Variants in RFFL observed in about 807,000 individuals in gnomAD.
The protein encoded by RFFL is ring finger and FYVE like domain containing E3 ubiquitin protein ligase.
In RFFL, 16 loss-of-function variants were observed where a neutral mutation model predicts 40.4. That is an observed-to-expected ratio of 0.40 (90% CI 0.27 to 0.60). The LOEUF is 0.60. Ranked by LOEUF, RFFL falls within the 20% of genes least tolerant of loss-of-function variation. The probability of loss-of-function intolerance (pLI) is 0.47; values close to 1 mark genes in which losing one functional copy is unlikely to be tolerated. For synonymous variants in RFFL, 154 were observed against 167.9 expected (o/e 0.92, Z 0.64); for missense variants, 367 against 451.7 (o/e 0.81, Z 1.70).
chr17:35,022,437 T>C lies in RFFL; in HGVS notation c.181-656A>G, dbSNP rs144806827. ...ATTAATTTATTGAGGTGCTTCTATA[T>C]GCTAGCTTGTCATTTAATTCTCAAA... On this transcript the variant is annotated intron_variant, in intron 2 of 6. Coordinates refer to ENST00000394597, the MANE Select transcript of RFFL (RefSeq NM_001017368.2). 3.0e-3 allele frequency among the ~76,000 whole-genome samples: 460 copies of C among 152,364 alleles called. 1 individual carries two copies. Among genetic ancestry groups the C allele is most frequent in the Non-Finnish European group, 5.6e-3 (380 of 68,034 alleles).
chr17:35,035,830 C>A (rs1033323961), intron 1 of RFFL, among the ~76,000 whole-genome samples: 1 of 151,696 alleles, frequency 6.6e-6, no homozygotes, highest in Non-Finnish European at 1.5e-5. Context: ...CAGCCTCCTG[C>A]GTAGCTGGGA....
chr17:35,049,399 G>A (rs1201501814), intron 1 of RFFL, among the ~76,000 whole-genome samples: 1 of 152,150 alleles, frequency 6.6e-6, no homozygotes, highest in Admixed American at 6.6e-5. Flanking sequence ...TCAAGTGGTT[G>A]TGATAATCTA....
chr17:35,012,907 A>G (rs1439312997), intron 6 of RFFL, among the ~76,000 whole-genome samples: 7 of 152,236 alleles, frequency 4.6e-5, no homozygotes, highest in Non-Finnish European at 1.0e-4. Context: ...CATTTATTCC[A>G]TGCTCCAAGG....
intron 1 of RFFL, among the ~76,000 whole-genome samples, chr17:35,062,407 A>G (rs79946259): frequency 1.3e-5 from 2 of 149,954 alleles, no homozygotes; most frequent in Admixed American, 1.3e-4. Flanking sequence ...CTCTCAGAAG[A>G]AAAAAAAAAG....
At chr17:35,080,621 T>C (rs118074685) in intron 1 of RFFL, among the ~76,000 whole-genome samples, 4,469 of 152,262 alleles carry the variant, frequency 0.029, 88 homozygotes, top group Non-Finnish European at 0.048. Flanking sequence ...AACAATGGTG[T>C]TGATCACTAA....
At chr17:35,073,235 C>T (rs1175986063) in intron 1 of RFFL, among the ~76,000 whole-genome samples, 1 of 152,052 alleles carries the variant, frequency 6.6e-6, no homozygotes, top group African/African-American at 2.4e-5. Flanking sequence ...CTACCTGTGC[C>T]CTATCCATCA....
intron 1 of RFFL, among the ~76,000 whole-genome samples, chr17:35,054,557 C>G (rs1190257297): frequency 6.6e-6 from 1 of 151,962 alleles, no homozygotes; most frequent in Admixed American, 6.6e-5. Context: ...CCCCACCTCT[C>G]CATTCCTAAA....
upstream of RFFL, among the ~76,000 whole-genome samples, chr17:35,068,371 G>A (rs2091331088): frequency 6.6e-6 from 1 of 152,232 alleles, no homozygotes; most frequent in South Asian, 2.1e-4. Context: ...GGAGATAGAG[G>A]CTGTCGCCAT....
At chr17:35,049,884 C>A (rs1405542807) in intron 1 of RFFL, among the ~76,000 whole-genome samples, 2 of 152,042 alleles carry the variant, frequency 1.3e-5, no homozygotes, top group Middle Eastern at 3.2e-3. Flanking sequence ...GAGTTTGAGA[C>A]CAGCCTGGCC....
chr17:35,032,243 GT>G (rs1464938167), intron 1 of RFFL, among the ~76,000 whole-genome samples: 2 of 152,016 alleles, frequency 1.3e-5, no homozygotes, highest in African/African-American at 2.4e-5. Flanking sequence ...GATCCTATAC[GT>G]AATGGGACAC....
At chr17:35,060,269 G>A (rs1347950715) in intron 1 of RFFL, among the ~76,000 whole-genome samples, 1 of 152,162 alleles carries the variant, frequency 6.6e-6, no homozygotes, top group African/African-American at 2.4e-5. Flanking sequence ...CTTCCCATAG[G>A]TCAGGCAGGT....
intron 1 of RFFL, among the ~76,000 whole-genome samples, chr17:35,086,283 T>C (rs2091428799): frequency 6.6e-6 from 1 of 151,978 alleles, no homozygotes. Flanking sequence ...TCAAGGCATT[T>C]GAGATCAGCC....
intron 2 of RFFL, among the ~76,000 whole-genome samples, chr17:35,022,003 C>T (rs1304823087): frequency 6.6e-6 from 1 of 152,328 alleles, no homozygotes; most frequent in African/African-American, 2.4e-5. Flanking sequence ...TATCCATGTA[C>T]AGGACACTTC....
At chr17:35,014,141 G>C (rs963502867) in intron 6 of RFFL, among the ~76,000 whole-genome samples, 31 of 152,124 alleles carry the variant, frequency 2.0e-4, no homozygotes, top group African/African-American at 7.5e-4. Context: ...CAGATGGTCA[G>C]GAGTTCTGCA....
At chr17:35,031,875 C>T (rs924330612) in intron 1 of RFFL, among the ~76,000 whole-genome samples, 1 of 151,916 alleles carries the variant, frequency 6.6e-6, no homozygotes, top group Non-Finnish European at 1.5e-5. Context: ...GCAGGAGGAT[C>T]ACGAGGTCAG....
intron 1 of RFFL, among the ~76,000 whole-genome samples, chr17:35,058,826 T>G (rs997288175): frequency 1.3e-5 from 2 of 152,034 alleles, no homozygotes; most frequent in African/African-American, 2.4e-5. Context: ...TTTTGCAATG[T>G]GATTTTTACC....
At chr17:35,035,129 G>C (rs2091111943) in intron 1 of RFFL, among the ~76,000 whole-genome samples, 2 of 152,166 alleles carry the variant, frequency 1.3e-5, no homozygotes. Flanking sequence ...AAGAAGGCTG[G>C]CTGGGCGCGG....
chr17:35,040,534 C>G (rs1597825895), intron 1 of RFFL, among the ~76,000 whole-genome samples: 1 of 151,008 alleles, frequency 6.6e-6, no homozygotes, highest in Middle Eastern at 3.4e-3. Context: ...ACCTGGAAGG[C>G]AGAGGTTGCA....
intron 1 of RFFL, among the ~76,000 whole-genome samples, chr17:35,050,264 T>A (rs903353285): frequency 1.3e-5 from 2 of 151,534 alleles, no homozygotes. Flanking sequence ...AATTAAAAAA[T>A]AGAAGGTGGT....
Sources: allele counts gnomAD v4.1 joint callset (sites outside exome capture counted in the v4.1 genomes callset), GRCh38; gene constraint gnomAD v4.1.1; transcripts MANE v1.5; gene names NCBI Gene and HGNC (gene_info 2026-07-23, HGNC 2026-07-21).